The following AKAP6 variants were observed in gnomAD, a reference collection of about 807,000 sequenced individuals.
AKAP6 encodes A-kinase anchor protein 6.
Under a neutral mutation model 188.5 loss-of-function variants are expected in AKAP6, and 58 were observed. The observed-to-expected ratio is 0.31, with a 90% CI of 0.25 to 0.38. The LOEUF is 0.38. Ranked by LOEUF, AKAP6 falls within the 10% of genes least tolerant of loss-of-function variation. The pLI, the probability that AKAP6 is intolerant of heterozygous loss-of-function variation, is 1.00. For synonymous variants in AKAP6, 989 were observed against 998.6 expected (o/e 0.99, Z 0.18); for missense variants, 2,710 against 2,740.0 (o/e 0.99, Z 0.24).
At position 32,823,181 on chromosome 14, in the gene AKAP6, A is replaced by C. The variant is rs771649902; in HGVS notation, c.5368A>C (p.Thr1790Pro). 7 of 1,613,756 alleles carry C rather than the reference A, an allele frequency of 4.3e-6. No homozygotes were observed. In the Admixed American group the frequency reaches 1.0e-4, roughly 23 times the overall value. ...AGATGATGAAATTTATGAAGACTGC[A>C]CCTTGATGTCAGGGCTAGACTACAT... ...ATDDEIYEDC[T>P]LMSGLDYIKN... Residue 1790 changes from threonine (T) to proline (P), a missense_variant, in exon 13 of 14, where the codon ACC becomes CCC. Around this residue, in one of 2 missense-constraint regions of AKAP6, gnomAD observed 2,473 missense variants for 2,426.1 expected, o/e 1.02. Coordinates refer to ENST00000280979, the MANE Select transcript of AKAP6 (RefSeq NM_004274.5).
At chr14:32,783,622 A>C (rs1249214971) in intron 12 of AKAP6, among the ~76,000 whole-genome samples, 1 of 152,172 alleles carries the variant, frequency 6.6e-6, no homozygotes, top group Non-Finnish European at 1.5e-5. Context: ...TGAAGAACCA[A>C]ACAATGCTAA....
At chr14:32,533,086 G>T (rs1882493929) in intron 2 of AKAP6, among the ~76,000 whole-genome samples, 1 of 152,322 alleles carries the variant, frequency 6.6e-6, no homozygotes, top group South Asian at 2.1e-4. Flanking sequence ...TGGATATGAA[G>T]GTCCTGGGAG....
intron 3 of AKAP6, among the ~76,000 whole-genome samples, chr14:32,538,270 G>A (rs1483172395): frequency 6.6e-6 from 1 of 152,150 alleles, no homozygotes; most frequent in Non-Finnish European, 1.5e-5. Flanking sequence ...AAAATTATCA[G>A]CTTTCTCAGA....
chr14:32,505,974 T>A (rs1461643121), intron 2 of AKAP6, among the ~76,000 whole-genome samples: 1 of 152,040 alleles, frequency 6.6e-6, no homozygotes, highest in Non-Finnish European at 1.5e-5. Flanking sequence ...TGGGTATTAA[T>A]CTTGATCAAA....
chr14:32,494,633 C>T (rs1026529199), intron 2 of AKAP6, among the ~76,000 whole-genome samples: 8 of 152,110 alleles, frequency 5.3e-5, no homozygotes, highest in Non-Finnish European at 7.4e-5. Flanking sequence ...TTTACTTTCA[C>T]TGGGACTTCC....
intron 12 of AKAP6, among the ~76,000 whole-genome samples, chr14:32,813,831 C>T (rs1013002045): frequency 6.6e-6 from 1 of 151,056 alleles, no homozygotes; most frequent in Admixed American, 6.6e-5. Flanking sequence ...AAGGTCTTTG[C>T]AACTTATTCT....
chr14:32,628,109 G>C (rs1277558578), intron 7 of AKAP6: 2 of 152,056 alleles, frequency 1.3e-5, no homozygotes, highest in Admixed American at 1.3e-4. Flanking sequence ...GTAAGTCAAA[G>C]TACTTGATTA....
At chr14:32,423,083 A>C (rs1889905794) in intron 1 of AKAP6, among the ~76,000 whole-genome samples, 1 of 152,150 alleles carries the variant, frequency 6.6e-6, no homozygotes, top group African/African-American at 2.4e-5. Context: ...TAGTGTTAGT[A>C]GGGTTTCTGG....
Position 32,433,658 on chromosome 14 carries a change from A to G in AKAP6, c.165A>G (p.Pro55=), listed in dbSNP as rs1324461124. The G allele has an allele frequency of 6.2e-7, 1 of 1,613,888 alleles. No individual in the cohort carries two copies. Among genetic ancestry groups the G allele is most frequent in the Non-Finnish European group, 8.5e-7 (1 of 1,179,970 alleles). ...ACTCTGACCAGCAGTATGAAAAGCC[A>G]CCCCCACTACACACAGGGGCTGACT... ...DMDSDQQYEK[P]PPLHTGADWK... The change falls in exon 2 of 14, where the codon CCA becomes CCG. Residue 55 remains proline, a synonymous_variant. Coordinates refer to ENST00000280979, the MANE Select transcript of AKAP6 (RefSeq NM_004274.5).
chr14:32,794,996 A>G (rs1050156513), intron 12 of AKAP6, among the ~76,000 whole-genome samples: 2 of 152,152 alleles, frequency 1.3e-5, no homozygotes, highest in Admixed American at 6.6e-5. Context: ...ATTAGAAAAT[A>G]CTATAAACAC....
intron 1 of AKAP6, among the ~76,000 whole-genome samples, chr14:32,416,438 C>G (rs985848599): frequency 6.6e-6 from 1 of 152,158 alleles, no homozygotes; most frequent in Non-Finnish European, 1.5e-5. Context: ...ATATTCATCC[C>G]TTATCAGATA....
At chr14:32,503,088 T>C (rs1269629848) in intron 2 of AKAP6, among the ~76,000 whole-genome samples, 5 of 152,150 alleles carry the variant, frequency 3.3e-5, no homozygotes, top group African/African-American at 1.2e-4. Flanking sequence ...TCATGTGCCT[T>C]TCCCCATAGA....
At position 32,727,175 on chromosome 14, in the gene AKAP6, A is replaced by T. The variant is rs145856206; in HGVS notation, c.3001-5279A>T. 3.3e-5 allele frequency among the ~76,000 whole-genome samples: 5 copies of T among 152,314 alleles called. No homozygotes were observed. The South Asian group carries it at 6.2e-4, about 19-fold the overall frequency. ...AAACTTACTAAATTTTACCTATAGG[A>T]GACTTTTTTCTCACCCTTGACATGG... On this transcript the variant is annotated intron_variant, in intron 9 of 13. Coordinates refer to ENST00000280979, the MANE Select transcript of AKAP6 (RefSeq NM_004274.5).
intron 1 of AKAP6, among the ~76,000 whole-genome samples, chr14:32,402,712 T>G (rs1196559615): frequency 6.6e-6 from 1 of 151,108 alleles, no homozygotes; most frequent in Admixed American, 6.6e-5. Flanking sequence ...GCTCAATAAA[T>G]GTTGGTTGGT....
intron 7 of AKAP6, among the ~76,000 whole-genome samples, chr14:32,612,388 G>A (rs1164871713): frequency 6.6e-6 from 1 of 152,102 alleles, no homozygotes; most frequent in African/African-American, 2.4e-5. Flanking sequence ...ATAATATCAT[G>A]TGTAGTTATA....
intron 9 of AKAP6, among the ~76,000 whole-genome samples, chr14:32,706,219 C>T (rs1424513146): frequency 1.3e-5 from 2 of 152,076 alleles, no homozygotes; most frequent in Admixed American, 1.3e-4. Flanking sequence ...GTTATTTCCT[C>T]CCTCTGTATG....
chr14:32,742,667 T>C (rs1350612527), intron 11 of AKAP6, among the ~76,000 whole-genome samples: 1 of 152,076 alleles, frequency 6.6e-6, no homozygotes, highest in Non-Finnish European at 1.5e-5. Context: ...TCCTTGTGTT[T>C]GTATAGTTTC....
intron 2 of AKAP6, among the ~76,000 whole-genome samples, chr14:32,468,925 A>T (rs1433934716): frequency 3.3e-5 from 5 of 152,150 alleles, no homozygotes; most frequent in Non-Finnish European, 7.4e-5. Flanking sequence ...TAATATATGA[A>T]TAATAGGTAG....
chr14:32,591,703 G>T (rs370260699), intron 5 of AKAP6, among the ~76,000 whole-genome samples: 382 of 121,626 alleles, frequency 3.1e-3, no homozygotes, highest in African/African-American at 0.012. Flanking sequence ...TTATCTTTTT[G>T]ATCAAAAACT....
Sources: gnomAD v4.1 joint callset for allele counts (sites outside exome capture counted in the v4.1 genomes callset) on GRCh38, gnomAD v4.1.1 for gene constraint, gnomAD v4.1.1 regional missense constraint, MANE v1.5 for transcripts, NCBI Gene and HGNC (gene_info 2026-07-23, HGNC 2026-07-21) for gene names.